MED13L: variants seen among roughly 807,000 people sequenced by gnomAD.
The protein encoded by MED13L is mediator complex subunit 13L.
MED13L carries 7 observed loss-of-function variants against 220.9 expected under a neutral mutation model. The ratio of observed to expected loss-of-function variants is 0.03; its 90% CI spans 0.02 to 0.06. The LOEUF is 0.06. Ranked by LOEUF, MED13L falls within the 10% of genes least tolerant of loss-of-function variation. The pLI, the probability that MED13L is intolerant of heterozygous loss-of-function variation, is 1.00. For synonymous variants in MED13L, 1,011 were observed against 1,015.2 expected, an observed-to-expected ratio of 1.00 and a Z score of 0.08; for missense variants, 1,965 against 2,760.5, an observed-to-expected ratio of 0.71 and a Z score of 6.46.
intron 8 of MED13L, among the ~76,000 whole-genome samples, chr12:116,013,584 C>T (rs949816911): frequency 6.6e-6 from 1 of 152,246 alleles, no homozygotes; most frequent in African/African-American, 2.4e-5. Context: ...TCCGGTCCCA[C>T]GAACTTTGAG....
chr12:116,110,043 G>C (rs1351716258), intron 3 of MED13L: 1 of 152,168 alleles, frequency 6.6e-6, no homozygotes, highest in East Asian at 1.9e-4. Flanking sequence ...TTGATTACCT[G>C]AAAGTACTAC....
intron 4 of MED13L, among the ~76,000 whole-genome samples, chr12:116,062,454 A>G (rs954294320): frequency 1.3e-5 from 2 of 150,762 alleles, no homozygotes; most frequent in African/African-American, 4.9e-5. Flanking sequence ...TTCATAGGAA[A>G]TGAATAGAAT....
intron 2 of MED13L, among the ~76,000 whole-genome samples, chr12:116,141,602 T>C (rs1255739064): frequency 6.6e-6 from 1 of 152,158 alleles, no homozygotes; most frequent in East Asian, 1.9e-4. Context: ...GGTAGCCAGC[T>C]CTACCTTCAG....
intron 2 of MED13L, among the ~76,000 whole-genome samples, chr12:116,221,077 A>G (rs1403871578): frequency 6.6e-6 from 1 of 152,082 alleles, no homozygotes; most frequent in African/African-American, 2.4e-5. Context: ...AAAAGAAAGT[A>G]TAAAAACAAA....
chr12:116,237,496 T>C lies in MED13L; in HGVS notation c.282A>G (p.Leu94=), dbSNP rs1005670155. ...GCAGTTCATGATGTATTACACCCACTAGGTTGGGTTCATCTCCCCACCAGA... is the reference window on the plus strand; with the variant it reads ...GCAGTTCATGATGTATTACACCCACCAGGTTGGGTTCATCTCCCCACCAGA... ...WIFWWGDEPN[L]VGVIHHELQV... is the part of the protein sequence containing the mutation. The change falls in exon 2 of 31, where the codon CTA becomes CTG. Residue 94 remains leucine (L), a synonymous_variant. Transcript: ENST00000281928. The C allele has an allele frequency of 2.5e-6, 4 of 1,612,234 alleles. No homozygotes were observed. The highest frequency in any genetic ancestry group is 3.3e-5 in the Admixed American group (2 of 60,000).
At chr12:116,118,969 C>T (rs765063739) in intron 2 of MED13L, among the ~76,000 whole-genome samples, 3 of 152,066 alleles carry the variant, frequency 2.0e-5, no homozygotes, top group Admixed American at 1.3e-4. Context: ...AGAAAACAAT[C>T]ATTCTTGTTT....
At chr12:116,225,885 G>GCAAA (rs1453484687) in intron 2 of MED13L, among the ~76,000 whole-genome samples, 5 of 151,950 alleles carry the variant, frequency 3.3e-5, no homozygotes, top group African/African-American at 1.2e-4. Flanking sequence ...CCACGTGCTA[G>GCAAA]CAAAGTCAAA....
At chr12:116,050,418 T>C (rs1284451580) in intron 4 of MED13L, among the ~76,000 whole-genome samples, 1 of 152,172 alleles carries the variant, frequency 6.6e-6, no homozygotes, top group Non-Finnish European at 1.5e-5. Flanking sequence ...AAAATGTATC[T>C]ACTGAATGTG....
chr12:116,049,835 G>A (rs546060574), intron 4 of MED13L, among the ~76,000 whole-genome samples: 3 of 152,100 alleles, frequency 2.0e-5, no homozygotes, highest in South Asian at 4.2e-4. Context: ...TTTTTCAAAT[G>A]GCAGGAATCA....
At chr12:116,203,171 G>A (rs1281610207) in intron 2 of MED13L, among the ~76,000 whole-genome samples, 1 of 152,092 alleles carries the variant, frequency 6.6e-6, no homozygotes, top group African/African-American at 2.4e-5. Flanking sequence ...CAAGACAAAT[G>A]TCTCCACACC....
At chr12:116,177,449 T>C (rs912251683) in intron 2 of MED13L, among the ~76,000 whole-genome samples, 17 of 152,230 alleles carry the variant, frequency 1.1e-4, no homozygotes, top group Non-Finnish European at 1.8e-4. Flanking sequence ...TATGTCCATC[T>C]TGACCATTAC....
chr12:115,973,231 T>C (rs1464659310), intron 25 of MED13L, among the ~76,000 whole-genome samples: 1 of 152,162 alleles, frequency 6.6e-6, no homozygotes, highest in Non-Finnish European at 1.5e-5. Flanking sequence ...GAAAAGGCAG[T>C]GTGTATTTCA....
intron 4 of MED13L, among the ~76,000 whole-genome samples, chr12:116,066,657 G>A (rs999734195): frequency 1.3e-5 from 2 of 151,478 alleles, no homozygotes; most frequent in African/African-American, 4.9e-5. Context: ...TATAAACAAT[G>A]TAAGAACTTT....
At chr12:116,038,870 T>A (rs1881357042) in intron 4 of MED13L, among the ~76,000 whole-genome samples, 1 of 151,950 alleles carries the variant, frequency 6.6e-6, no homozygotes, top group African/African-American at 2.4e-5. Context: ...CCATCCATCC[T>A]TATTTTTTCC....
intron 21 of MED13L, 38 bp from the exon 22 acceptor site, chr12:115,982,641 T>C (rs368317636): frequency 1.3e-6 from 2 of 1,533,810 alleles, no homozygotes; most frequent in Non-Finnish European, 1.8e-6. Flanking sequence ...ACAAAATAAA[T>C]ATAAATTACA....
At chr12:116,151,365 C>T (rs1375610031) in intron 2 of MED13L, among the ~76,000 whole-genome samples, 3 of 152,162 alleles carry the variant, frequency 2.0e-5, no homozygotes, top group Non-Finnish European at 4.4e-5. Flanking sequence ...TCACATCCTA[C>T]CTTCAAATTG....
At chr12:116,068,089 T>G (rs1445760837) in intron 4 of MED13L, among the ~76,000 whole-genome samples, 1 of 152,122 alleles carries the variant, frequency 6.6e-6, no homozygotes. Context: ...TAGATGTGAG[T>G]AAATACAGGA....
At chr12:116,144,701 G>T (rs1176871445) in intron 2 of MED13L, among the ~76,000 whole-genome samples, 1 of 152,162 alleles carries the variant, frequency 6.6e-6, no homozygotes, top group African/African-American at 2.4e-5. Flanking sequence ...AGTGTCTCTG[G>T]CAGAGAATAT....
At chr12:116,112,978 A>G (rs1415302594) in intron 2 of MED13L, among the ~76,000 whole-genome samples, 2 of 152,244 alleles carry the variant, frequency 1.3e-5, no homozygotes, top group Non-Finnish European at 2.9e-5. Flanking sequence ...GTGACAAACT[A>G]TAACATCATT....
Sources: gnomAD v4.1 joint callset for allele counts (sites outside exome capture counted in the v4.1 genomes callset) on GRCh38, gnomAD v4.1.1 for gene constraint, MANE v1.5 for transcripts, NCBI Gene and HGNC (gene_info 2026-07-23, HGNC 2026-07-21) for gene names.